CALM2: variants seen among roughly 807,000 people sequenced by gnomAD.
CALM2 encodes calmodulin 2.
Under a neutral mutation model 19.8 loss-of-function variants are expected in CALM2, and 2 were observed. That is an observed-to-expected ratio of 0.10 (90% confidence interval 0.04 to 0.32). The LOEUF is 0.32. Ranked by LOEUF, CALM2 falls within the 10% of genes least tolerant of loss-of-function variation. The pLI is 1.00. For missense variants in CALM2, 38 were observed against 178.7 expected (o/e 0.21, Z 4.49); for synonymous variants, 51 against 52.1 (o/e 0.98, Z 0.09).
At chr2:47,176,047 T>G (rs545383181) in intron 1 of CALM2, among the ~76,000 whole-genome samples, 4 of 152,120 alleles carry the variant, frequency 2.6e-5, no homozygotes, top group Admixed American at 6.5e-5. Context: ...GTCGGGTGGA[T>G]TGAATTCGCC....
At position 47,169,704 on chromosome 2, in the gene CALM2, G is replaced by A. The variant is rs1000836388; in HGVS notation, c.34+1030C>T. Among the ~76,000 whole-genome samples, 17 of 152,160 alleles carry A rather than the reference G, an allele frequency of 1.1e-4. 2 individuals are homozygous for A. The highest frequency in any genetic ancestry group is 1.0e-3 in the Admixed American group (16 of 15,278). ...AGTCCTATCAAATAGTATTTGAGGT[G>A]ACTAGTGTAATTCTGGTATCCCCCA... On this transcript the variant is annotated intron_variant, in intron 2 of 5. Coordinates refer to ENST00000272298, the MANE Select transcript of CALM2 (RefSeq NM_001743.6).
chr2:47,176,032 C>T lies in CALM2; in HGVS notation c.3+409G>A, dbSNP rs115535351. Among the ~76,000 whole-genome samples the T allele has an allele frequency of 9.0e-3, 1,376 of 152,258 alleles. 16 individuals are homozygous for T. The highest frequency in any genetic ancestry group is 0.041 in the South Asian group (197 of 4,830). On this transcript the variant is annotated intron_variant, in intron 1 of 5. Coordinates refer to ENST00000272298, the MANE Select transcript of CALM2 (RefSeq NM_001743.6). ...GGCGCTTCCTGGCGCCCGCACTAAC[C>T]GTCGGTCGGGTGGATTGAATTCGCC... is the stretch of plus-strand genomic sequence containing the variant.
At chr2:47,162,235 T>A in intron 4 of CALM2, 51 bp downstream of exon 4, 2 of 883,324 alleles carry the variant, frequency 2.3e-6, no homozygotes, top group Non-Finnish European at 3.5e-6. Context: ...TAATGAGTCC[T>A]GGTATCTTCA....
intron 2 of CALM2, 57 bp downstream of exon 2, chr2:47,170,677 G>T: frequency 7.9e-7 from 1 of 1,270,746 alleles, no homozygotes; most frequent in Non-Finnish European, 1.2e-6. Context: ...TTCTGACGTT[G>T]GCTATTCAAT....
chr2:47,164,691 T>G (rs572812986), intron 2 of CALM2, among the ~76,000 whole-genome samples: 3 of 152,130 alleles, frequency 2.0e-5, no homozygotes, highest in Non-Finnish European at 4.4e-5. Context: ...ATTTTCCAAG[T>G]AAGTCATTTC....
chr2:47,162,478 C>G (rs201394950), intron 3 of CALM2, 41 bp downstream of exon 3: 57 of 1,613,062 alleles, frequency 3.5e-5, no homozygotes, highest in Non-Finnish European at 4.2e-5. Flanking sequence ...CTAAGTATCA[C>G]TTCTTCAACC....
At chr2:47,168,390 A>G (rs1293282617) in intron 2 of CALM2, among the ~76,000 whole-genome samples, 1 of 152,194 alleles carries the variant, frequency 6.6e-6, no homozygotes, top group South Asian at 2.1e-4. Flanking sequence ...TAAAGACAAT[A>G]AAGAGAACAG....
At chr2:47,171,514 T>C (rs1666667318) in intron 1 of CALM2, 1 of 152,152 alleles carries the variant, frequency 6.6e-6, no homozygotes, top group Admixed American at 6.6e-5. Flanking sequence ...GCACAGAAAA[T>C]TAGTAGAACA....
chr2:47,169,107 A>C (rs1666588408), intron 2 of CALM2, among the ~76,000 whole-genome samples: 1 of 152,128 alleles, frequency 6.6e-6, no homozygotes, highest in African/African-American at 2.4e-5. Flanking sequence ...TGTTTAAGAG[A>C]GCAGACCATC....
rs563702873 is a variant in CALM2 at position 47,175,081 on chromosome 2, G to GTTTTTTTTTTTTT, written c.3+1347_3+1359dup. On this transcript the variant is annotated intron_variant, in intron 1 of 5. Transcript: ENST00000272298. ...TCACAGATCACCGCCCTCATTAGGT[G>GTTTTTTTTTTTTT]TTTTTTTTTTTTTTTTTCAGGAAAG... Among the ~76,000 whole-genome samples the GTTTTTTTTTTTTT allele has an allele frequency of 2.3e-3, 180 of 77,926 alleles. 16 individuals carry two copies. The highest frequency in any genetic ancestry group is 0.014 in the African/African-American group (154 of 10,884). 51.1% of individuals were successfully genotyped at this position (77,926 alleles called of 152,430 possible).
In CALM2 at chr2:47,175,212, C is replaced by T. The variant is rs112165119; in HGVS notation, c.3+1229G>A. Among the ~76,000 whole-genome samples the T allele has an allele frequency of 6.2e-3, 941 of 150,848 alleles. 11 individuals are homozygous for T. Among genetic ancestry groups the T allele is most frequent in the African/African-American group, 0.021 (855 of 41,066 alleles). ...CAGTATTTGACAGACAAACATCATA[C>T]AAACGAAGTGTACGTCAAGACGACC... is the stretch of plus-strand genomic sequence containing the variant. On this transcript the variant is annotated intron_variant, in intron 1 of 5. Transcript: ENST00000272298.
intron 1 of CALM2, chr2:47,172,031 A>G (rs1241612828): frequency 1.3e-5 from 2 of 151,264 alleles, no homozygotes; most frequent in Non-Finnish European, 2.9e-5. Context: ...TGAAGAGCCA[A>G]TAATTAAGTT....
chr2:47,176,894 C>A (rs763633240), upstream of CALM2: 6 of 985,408 alleles, frequency 6.1e-6, no homozygotes, highest in Non-Finnish European at 7.2e-6. Flanking sequence ...GGACGCGGTG[C>A]GGCTTCTGCC....
chr2:47,176,452 C>T lies in CALM2; in HGVS notation c.-9G>A, dbSNP rs773432522. The stretch of plus-strand genomic sequence containing the variant: ...AGCGATGCACTCACCATGCTGCAAG[C>T]GCTACCGGTTTCCGAGACGCGACCA... On this transcript the variant is annotated 5_prime_UTR_variant, in exon 1 of 6. Transcript: ENST00000272298. 5 of 1,613,622 alleles carry T rather than the reference C, an allele frequency of 3.1e-6. No individual in the cohort carries two copies. The highest frequency in any genetic ancestry group is 4.2e-6 in the Non-Finnish European group (5 of 1,180,008).
chr2:47,176,314 C>G (rs1666866001), intron 1 of CALM2, 127 bp downstream of exon 1: 1 of 1,186,120 alleles, frequency 8.4e-7, no homozygotes, highest in Admixed American at 2.2e-5. Flanking sequence ...TGGCCTCTTT[C>G]GCGCCATCCC....
chr2:47,161,627 A>G lies in CALM2; in HGVS notation c.421+96T>C, dbSNP rs2454085. On this transcript the variant is annotated intron_variant, in intron 5 of 5. Transcript: ENST00000272298. Reference sequence around the variant, plus strand: ...GTAACTGTTTTAGCAACCTAATTTCAGGGGAAGGGTCACTAATTTCGATCA... The same window carrying G: ...GTAACTGTTTTAGCAACCTAATTTCGGGGGAAGGGTCACTAATTTCGATCA... 0.85 allele frequency: 936,238 copies of G among 1,095,924 alleles called. 396,029 individuals are homozygous for G. The highest frequency in any genetic ancestry group is 0.94 in the East Asian group (37,285 of 39,704). 67.9% of individuals were successfully genotyped at this position (1,095,924 alleles called of 1,614,324 possible). A position where few individuals can be genotyped will look rare whatever the true frequency, so the allele number is the denominator to read the frequency against.
At chr2:47,172,624 G>A (rs1274770104) in intron 1 of CALM2, 8 of 391,212 alleles carry the variant, frequency 2.0e-5, no homozygotes, top group Non-Finnish European at 3.4e-5. Context: ...CTTTGTTTAA[G>A]CTGAGAAAAT....
chr2:47,176,402 C>T, intron 1 of CALM2, 39 bp downstream of exon 1: 1 of 1,611,156 alleles, frequency 6.2e-7, no homozygotes, highest in South Asian at 1.1e-5. Context: ...GTCTCTTCCC[C>T]CCACAGGCCC....
chr2:47,176,729 C>T, upstream of CALM2: 1 of 1,378,718 alleles, frequency 7.3e-7, no homozygotes, highest in Non-Finnish European at 9.4e-7. Context: ...TTCCAGCGAG[C>T]CGTTAAAAGG....
Sources: allele counts gnomAD v4.1 joint callset (sites outside exome capture counted in the v4.1 genomes callset), GRCh38; gene constraint gnomAD v4.1.1; transcripts MANE v1.5; gene names NCBI Gene and HGNC (gene_info 2026-07-23, HGNC 2026-07-21).